Variants in STK33 observed in about 807,000 individuals in gnomAD.
The protein encoded by STK33 is serine/threonine kinase 33.
Under a neutral mutation model 58.0 loss-of-function variants are expected in STK33, and 52 were observed. The observed-to-expected ratio is 0.90, with a 90% CI of 0.72 to 1.13. STK33 has a LOEUF of 1.13. STK33 is among the 50% of genes most tolerant of loss of function. The probability of loss-of-function intolerance (pLI) is 0.00; values close to 1 mark genes in which losing one functional copy is unlikely to be tolerated. For synonymous variants in STK33, 215 were observed against 200.1 expected (o/e 1.07, Z -0.63); for missense variants, 630 against 604.2 (o/e 1.04, Z -0.45).
At chr11:8,358,253 G>C in the STK33 span, among the ~76,000 whole-genome samples, 2 of 151,406 alleles carry the variant, frequency 1.3e-5, no homozygotes, top group Non-Finnish European at 3.0e-5. Context: ...CAGGGTTTGA[G>C]GACTGGGGGA....
chr11:8,566,058 A>G (rs1207027645), intron 1 of STK33: 1 of 152,232 alleles, frequency 6.6e-6, no homozygotes, highest in Non-Finnish European at 1.5e-5. Context: ...CATTATTTAC[A>G]TATAAATAAC....
intron 1 of STK33, among the ~76,000 whole-genome samples, chr11:8,542,185 G>A (rs1186859088): frequency 2.6e-5 from 4 of 152,138 alleles, no homozygotes; most frequent in African/African-American, 9.7e-5. Flanking sequence ...ACAGAATCAC[G>A]ATTAAATCAA....
chr11:8,435,506 G>A lies in STK33; in HGVS notation c.1134C>T (p.Asn378=). 6.8e-7 allele frequency: 1 copy of A among 1,464,570 alleles called. No homozygotes were observed. Among genetic ancestry groups the A allele is most frequent in the Non-Finnish European group, 9.1e-7 (1 of 1,093,188 alleles). 90.7% of individuals were successfully genotyped at this position (1,464,570 alleles called of 1,614,324 possible). Reference sequence around the variant, plus strand: ...TATTGTAACTTACTGTTAACCACTGGTTATCTAGTAGTTCCTTAGCTGTGA... The same window carrying A: ...TATTGTAACTTACTGTTAACCACTGATTATCTAGTAGTTCCTTAGCTGTGA... ...HRITAKELLD[N]QWLTGNKLSS... is the part of the protein sequence containing the mutation. The change falls in exon 14 of 16, where the codon AAC becomes AAT. Residue 378 remains asparagine (N), a synonymous_variant. Transcript: ENST00000687296.
At chr11:8,453,845 A>C (rs1399533065) in intron 10 of STK33, among the ~76,000 whole-genome samples, 2 of 152,238 alleles carry the variant, frequency 1.3e-5, no homozygotes, top group East Asian at 3.8e-4. Flanking sequence ...AGTTTTCACA[A>C]ACATCTCACT....
chr11:8,566,699 A>C (rs890023659), intron 1 of STK33, among the ~76,000 whole-genome samples: 5 of 152,218 alleles, frequency 3.3e-5, no homozygotes, highest in Admixed American at 2.0e-4. Flanking sequence ...CTGCTACCCA[A>C]GTCTCTTCCA....
chr11:8,442,046 C>T (rs907902221), intron 11 of STK33, among the ~76,000 whole-genome samples: 1 of 151,628 alleles, frequency 6.6e-6, no homozygotes, highest in Non-Finnish European at 1.5e-5. Flanking sequence ...CACACACACA[C>T]ACACACACAC....
chr11:8,371,323 C>T, the STK33 span, among the ~76,000 whole-genome samples: 1 of 151,920 alleles, frequency 6.6e-6, no homozygotes, highest in Non-Finnish European at 1.5e-5. Flanking sequence ...TGTGTGAAGA[C>T]AGAGGCAGAG....
the STK33 span, among the ~76,000 whole-genome samples, chr11:8,358,999 G>A: frequency 2.0e-5 from 3 of 152,190 alleles, no homozygotes; most frequent in Admixed American, 2.0e-4. Flanking sequence ...CACAGTAACA[G>A]GCCTACCCAA....
chr11:8,567,912 AAAC>A (rs1438726705), intron 1 of STK33, among the ~76,000 whole-genome samples: 5 of 152,214 alleles, frequency 3.3e-5, no homozygotes, highest in Admixed American at 6.5e-5. Flanking sequence ...GAACTTTTAA[AAAC>A]AATATTCAAC....
At chr11:8,591,075 T>C (rs2032519239) in intron 1 of STK33, among the ~76,000 whole-genome samples, 1 of 152,174 alleles carries the variant, frequency 6.6e-6, no homozygotes, top group African/African-American at 2.4e-5. Flanking sequence ...CTTCTGTAAG[T>C]CTCTAAGGAT....
chr11:8,417,345 A>G (rs1327730213), intron 14 of STK33, among the ~76,000 whole-genome samples: 2 of 152,158 alleles, frequency 1.3e-5, no homozygotes, highest in African/African-American at 4.8e-5. Flanking sequence ...AACTCATGGA[A>G]GAGAAGAACT....
intron 1 of STK33, among the ~76,000 whole-genome samples, chr11:8,559,235 C>T (rs1288978822): frequency 6.6e-6 from 1 of 152,142 alleles, no homozygotes; most frequent in African/African-American, 2.4e-5. Context: ...CACTAATATA[C>T]CTTCTCACAT....
chr11:8,404,951 T>G (rs1564869632), intron 15 of STK33, among the ~76,000 whole-genome samples: 1 of 152,126 alleles, frequency 6.6e-6, no homozygotes, highest in African/African-American at 2.4e-5. Context: ...CCATCCTGAC[T>G]AACACAGTAA....
chr11:8,370,985 C>A, the STK33 span, among the ~76,000 whole-genome samples: 2 of 152,034 alleles, frequency 1.3e-5, no homozygotes, highest in Admixed American at 6.5e-5. Flanking sequence ...GGGCTGTTTG[C>A]CCTGGACCGA....
chr11:8,573,615 C>T (rs1396205218), intron 1 of STK33, among the ~76,000 whole-genome samples: 2 of 152,196 alleles, frequency 1.3e-5, no homozygotes, highest in African/African-American at 4.8e-5. Context: ...TATGTTCACA[C>T]AGAAACTTGT....
chr11:8,361,536 A>C, the STK33 span, among the ~76,000 whole-genome samples: 403 of 140,010 alleles, frequency 2.9e-3, 3 homozygotes, highest in African/African-American at 0.01. This position sits in a 1 kb window ranked among gnomAD's most constrained non-coding sequence, Gnocchi z 4.8. Flanking sequence ...CCTGACTCTC[A>C]ATGTGCCAGG....
the STK33 span, among the ~76,000 whole-genome samples, chr11:8,378,214 G>A: frequency 1.9e-3 from 296 of 152,356 alleles, 1 homozygote; most frequent in Non-Finnish European, 3.0e-3. Context: ...AGTTCAGAGC[G>A]AAGTGGGGGG....
At chr11:8,391,632 G>A (rs1258091938), downstream of STK33, among the ~76,000 whole-genome samples, 1 of 152,074 alleles carries the variant, frequency 6.6e-6, no homozygotes, top group Non-Finnish European at 1.5e-5. Flanking sequence ...AATTTGCTTT[G>A]GAAGCAAAGG....
At chr11:8,557,777 A>G (rs77310315) in intron 1 of STK33, among the ~76,000 whole-genome samples, 1 of 144,476 alleles carries the variant, frequency 6.9e-6, no homozygotes, top group East Asian at 2.0e-4. Context: ...CTAAGCTTTG[A>G]AAAAAAAAAA....
Sources: gnomAD v4.1 joint callset for allele counts (sites outside exome capture counted in the v4.1 genomes callset) on GRCh38, gnomAD v4.1.1 for gene constraint, Gnocchi (gnomAD v3.1) non-coding constraint, MANE v1.5 for transcripts, NCBI Gene and HGNC (gene_info 2026-07-23, HGNC 2026-07-21) for gene names.